PCDH15: variants seen among roughly 807,000 people sequenced by gnomAD.
PCDH15 encodes protocadherin-15.
A neutral mutation model predicts 178.5 loss-of-function variants in PCDH15; 129 were observed. That is an observed-to-expected ratio of 0.72 (90% CI 0.63 to 0.84). The LOEUF is 0.84. PCDH15 is among the 40% of genes least tolerant of loss of function. The pLI, the probability that PCDH15 is intolerant of heterozygous loss-of-function variation, is 0.00. For missense variants in PCDH15, 2,230 were observed against 2,099.9 expected (o/e 1.06, Z -1.21); for synonymous variants, 800 against 732.0 (o/e 1.09, Z -1.50).
chr10:54,259,431 C>T (rs2057155445), intron 8 of PCDH15, among the ~76,000 whole-genome samples: 1 of 151,976 alleles, frequency 6.6e-6, no homozygotes, highest in Admixed American at 6.6e-5. Flanking sequence ...AGAGCAAAAT[C>T]AATGTAAGGA....
rs1414650762 is a variant in PCDH15 at position 54,020,315 on chromosome 10, A to G, written c.2628T>C (p.Leu876=). The change falls in exon 20 of 38, where the codon CTT becomes CTC. Residue 876 remains leucine (L), a synonymous_variant. Transcript: ENST00000644397. ...ALHPFTGELS[L]LRSLDYEAFP... ...ATGCCTCATAATCTAAACTCCTTAA[A>G]AGCGATAGTTCTCCTGTAAATGGAT... 6.2e-7 allele frequency: 1 copy of G among 1,613,816 alleles called. No individual in the cohort carries two copies.
intron 1 of PCDH15, among the ~76,000 whole-genome samples, chr10:54,743,581 A>G (rs1945077070): frequency 6.6e-6 from 1 of 152,068 alleles, no homozygotes; most frequent in Non-Finnish European, 1.5e-5. Flanking sequence ...ACACTAAAGT[A>G]CAGTTTTAAT....
chr10:54,483,633 A>G (rs1393071647), intron 3 of PCDH15, among the ~76,000 whole-genome samples: 1 of 151,864 alleles, frequency 6.6e-6, no homozygotes, highest in Non-Finnish European at 1.5e-5. Flanking sequence ...GGTGATAAAA[A>G]CAAATGAAAT....
chr10:54,463,534 A>C (rs768383196), intron 3 of PCDH15, among the ~76,000 whole-genome samples: 16 of 152,166 alleles, frequency 1.1e-4, no homozygotes, highest in Non-Finnish European at 1.9e-4. Flanking sequence ...CACTACGCCA[A>C]AGCCTTGCCA....
chr10:54,110,674 T>C (rs1022285453), intron 15 of PCDH15, among the ~76,000 whole-genome samples: 12 of 152,326 alleles, frequency 7.9e-5, no homozygotes, highest in African/African-American at 2.6e-4. Context: ...ATTGTGTCTT[T>C]GTGTCTGAAA....
At chr10:54,387,555 T>TGAAA (rs1432505758) in intron 3 of PCDH15, among the ~76,000 whole-genome samples, 15 of 152,210 alleles carry the variant, frequency 9.9e-5, no homozygotes, top group African/African-American at 3.6e-4. Context: ...AGATGTGTAC[T>TGAAA]CTTCTGATCT....
chr10:54,627,513 C>T (rs1020788868), intron 2 of PCDH15, among the ~76,000 whole-genome samples: 2 of 152,142 alleles, frequency 1.3e-5, no homozygotes, highest in Admixed American at 6.5e-5. Context: ...TAAGATGTGA[C>T]GTGCTCCTCC....
chr10:55,306,858 A>G (rs1843437790), intron 1 of PCDH15, among the ~76,000 whole-genome samples: 1 of 152,208 alleles, frequency 6.6e-6, no homozygotes, highest in South Asian at 2.1e-4. Context: ...CAAAGTTCCA[A>G]TGGCAAAAAA....
chr10:55,463,973 GAGAAAGAAAGAAAGAAAGAGAAAGAA>G (rs1839758845), intron 2 of PCDH15, among the ~76,000 whole-genome samples: 1 of 11,764 alleles, frequency 8.5e-5, no homozygotes, highest in Admixed American at 1.2e-3. Context: ...AAGAAAGAAA[GAGAAAGAAAGAAAGAAAGAGAAAGAA>G]AGAAAGAAAG....
intron 1 of PCDH15, among the ~76,000 whole-genome samples, chr10:55,224,242 A>T (rs1275664299): frequency 6.6e-6 from 1 of 152,138 alleles, no homozygotes; most frequent in African/African-American, 2.4e-5. Context: ...AAGTACAGGT[A>T]AATGAATATG....
chr10:53,812,953 C>T (rs1339296257), intron 35 of PCDH15, among the ~76,000 whole-genome samples: 2 of 152,168 alleles, frequency 1.3e-5, no homozygotes, highest in Non-Finnish European at 2.9e-5. Flanking sequence ...TGGAAATTTA[C>T]AGCCTGCATG....
intron 8 of PCDH15, among the ~76,000 whole-genome samples, chr10:54,278,746 C>T (rs920029643): frequency 6.6e-6 from 1 of 151,420 alleles, no homozygotes; most frequent in Non-Finnish European, 1.5e-5. Context: ...TTATGAGGAG[C>T]CTGTGGAGAA....
At chr10:54,307,104 G>A (rs868464773) in intron 8 of PCDH15, among the ~76,000 whole-genome samples, 2,656 of 26,454 alleles carry the variant, frequency 0.1, 482 homozygotes, top group African/African-American at 0.14. Context: ...GTGTGTGTGT[G>A]TATATATATA....
At chr10:54,021,568 T>C (rs1050075046) in intron 19 of PCDH15, among the ~76,000 whole-genome samples, 1 of 152,016 alleles carries the variant, frequency 6.6e-6, no homozygotes, top group Non-Finnish European at 1.5e-5. Context: ...ACCAGGCTTT[T>C]TCCCCCCAAC....
chr10:55,172,736 T>A (rs1298694661), intron 1 of PCDH15, among the ~76,000 whole-genome samples: 2 of 151,984 alleles, frequency 1.3e-5, no homozygotes, highest in East Asian at 3.9e-4. Context: ...ATCATTAGGA[T>A]GTAACAAAAA....
At chr10:53,924,694 T>C (rs2084337064) in intron 25 of PCDH15, among the ~76,000 whole-genome samples, 1 of 152,142 alleles carries the variant, frequency 6.6e-6, no homozygotes, top group South Asian at 2.1e-4. Context: ...GGATTGTAAA[T>C]ACACTAATCA....
chr10:55,319,398 A>G (rs1164654057), intron 1 of PCDH15, among the ~76,000 whole-genome samples: 1 of 152,212 alleles, frequency 6.6e-6, no homozygotes, highest in East Asian at 1.9e-4. Flanking sequence ...AATTAAACAA[A>G]TATAAAACAT....
At chr10:54,297,857 T>G (rs1346129069) in intron 8 of PCDH15, among the ~76,000 whole-genome samples, 4 of 152,184 alleles carry the variant, frequency 2.6e-5, no homozygotes, top group Non-Finnish European at 5.9e-5. Flanking sequence ...TATTGTTAGA[T>G]CAAACCCTGG....
chr10:54,125,841 T>C (rs889425549), intron 15 of PCDH15, among the ~76,000 whole-genome samples: 2 of 152,148 alleles, frequency 1.3e-5, no homozygotes, highest in South Asian at 2.1e-4. Context: ...GCATCCAAAG[T>C]GTCAGTTTGT....
Sources: allele counts gnomAD v4.1 joint callset (sites outside exome capture counted in the v4.1 genomes callset), GRCh38; gene constraint gnomAD v4.1.1; transcripts MANE v1.5; gene names NCBI Gene and HGNC (gene_info 2026-07-23, HGNC 2026-07-21).